The following ANKS1B variants were observed in gnomAD, a reference collection of about 807,000 sequenced individuals.
The protein encoded by ANKS1B is ankyrin repeat and sterile alpha motif domain containing 1B.
Under a neutral mutation model 148.3 loss-of-function variants are expected in ANKS1B, and 36 were observed. The ratio of observed to expected loss-of-function variants is 0.24; its 90% CI spans 0.19 to 0.32. ANKS1B has a LOEUF of 0.32. ANKS1B is among the 10% of genes least tolerant of loss of function. ANKS1B has a pLI of 1.00. For synonymous variants in ANKS1B, 542 were observed against 560.8 expected (o/e 0.97, Z 0.47); for missense variants, 1,157 against 1,542.6 (o/e 0.75, Z 4.19).
chr12:98,876,525 C>T (rs1443482327), intron 17 of ANKS1B, among the ~76,000 whole-genome samples: 3 of 152,226 alleles, frequency 2.0e-5, no homozygotes, highest in Non-Finnish European at 2.9e-5. Flanking sequence ...ATGGGCCTTA[C>T]ACGTCTTTGT....
intron 16 of ANKS1B, among the ~76,000 whole-genome samples, chr12:99,084,245 G>A (rs2050835839): frequency 6.6e-6 from 1 of 152,102 alleles, no homozygotes; most frequent in Admixed American, 6.5e-5. Context: ...TGGGGCAGGA[G>A]GCTTTTAAGC....
At chr12:99,240,795 C>T (rs1012330627) in intron 14 of ANKS1B, among the ~76,000 whole-genome samples, 4 of 152,186 alleles carry the variant, frequency 2.6e-5, no homozygotes, top group Admixed American at 6.5e-5. Flanking sequence ...TCCTGAGTGA[C>T]TACTGGGTAA....
At chr12:99,364,486 T>A (rs968726962) in intron 12 of ANKS1B, among the ~76,000 whole-genome samples, 10 of 152,302 alleles carry the variant, frequency 6.6e-5, no homozygotes, top group African/African-American at 1.9e-4. Flanking sequence ...TTGGAAACTG[T>A]GTGTATTTAA....
At chr12:99,315,215 A>G (rs1351358394) in intron 12 of ANKS1B, among the ~76,000 whole-genome samples, 2 of 150,112 alleles carry the variant, frequency 1.3e-5, no homozygotes, top group African/African-American at 4.9e-5. Flanking sequence ...ACTCCAGCCT[A>G]GTGACAGTGT....
At chr12:99,649,443 C>A (rs530392453) in intron 9 of ANKS1B, 8 of 1,477,210 alleles carry the variant, frequency 5.4e-6, no homozygotes, top group African/African-American at 1.4e-5. Context: ...AGTTCACACA[C>A]CCCTGCAGTC....
intron 17 of ANKS1B, among the ~76,000 whole-genome samples, chr12:99,046,401 T>TA (rs1362028744): frequency 1.3e-5 from 2 of 152,172 alleles, no homozygotes; most frequent in Non-Finnish European, 2.9e-5. Context: ...ACACAGGTGT[T>TA]ACAATTAGAA....
At chr12:99,868,376 A>G (rs1020367184) in intron 1 of ANKS1B, among the ~76,000 whole-genome samples, 2 of 152,210 alleles carry the variant, frequency 1.3e-5, no homozygotes, top group Non-Finnish European at 2.9e-5. Context: ...TATAGCAGTC[A>G]TACTTAATTA....
chr12:99,167,381 T>C (rs991289973), intron 14 of ANKS1B, among the ~76,000 whole-genome samples: 1 of 151,922 alleles, frequency 6.6e-6, no homozygotes, highest in Non-Finnish European at 1.5e-5. Context: ...CTCTCAAAAC[T>C]CAGTATTAAG....
At chr12:99,222,475 G>A (rs2085281960) in intron 14 of ANKS1B, among the ~76,000 whole-genome samples, 1 of 152,154 alleles carries the variant, frequency 6.6e-6, no homozygotes, top group Non-Finnish European at 1.5e-5. Context: ...AATTAGCTGG[G>A]TGTGGTGGCC....
intron 12 of ANKS1B, among the ~76,000 whole-genome samples, chr12:99,344,547 T>A (rs539876206): frequency 2.6e-5 from 4 of 152,068 alleles, no homozygotes; most frequent in Non-Finnish European, 5.9e-5. Context: ...AGAACGAATT[T>A]GTGGTTTTAT....
At chr12:99,649,241 G>C in intron 9 of ANKS1B, 1 of 1,384,020 alleles carries the variant, frequency 7.2e-7, no homozygotes, top group East Asian at 2.3e-5. Flanking sequence ...GAAGAGAAAG[G>C]AGATCTTGCT....
chr12:98,889,451 G>A (rs1157378676), intron 17 of ANKS1B, among the ~76,000 whole-genome samples: 2 of 151,886 alleles, frequency 1.3e-5, no homozygotes, highest in Admixed American at 1.3e-4. Flanking sequence ...GGGCTCAAGC[G>A]ATTCTCCTGC....
chr12:99,463,855 G>C (rs1049476769), intron 10 of ANKS1B, among the ~76,000 whole-genome samples: 1 of 151,314 alleles, frequency 6.6e-6, no homozygotes, highest in Admixed American at 6.5e-5. Flanking sequence ...CTCCACCTCT[G>C]GGGGCAGGGC....
chr12:99,078,630 T>A (rs1292995359), intron 16 of ANKS1B, among the ~76,000 whole-genome samples: 1 of 152,178 alleles, frequency 6.6e-6, no homozygotes, highest in Non-Finnish European at 1.5e-5. Flanking sequence ...AGGGTGTTTT[T>A]TTCCTTGTAG....
chr12:99,153,850 G>C (rs1018897761), intron 15 of ANKS1B, among the ~76,000 whole-genome samples: 3 of 152,166 alleles, frequency 2.0e-5, no homozygotes, highest in Non-Finnish European at 4.4e-5. Context: ...GAAAAGAAAT[G>C]ATCTTCACAC....
intron 2 of ANKS1B, among the ~76,000 whole-genome samples, chr12:99,816,386 T>A (rs1335998174): frequency 6.6e-6 from 1 of 151,830 alleles, no homozygotes; most frequent in Non-Finnish European, 1.5e-5. Flanking sequence ...AGATTCTGGA[T>A]ACTAGCCCTA....
At chr12:99,205,937 C>T (rs2082619857) in intron 14 of ANKS1B, among the ~76,000 whole-genome samples, 1 of 152,124 alleles carries the variant, frequency 6.6e-6, no homozygotes, top group Non-Finnish European at 1.5e-5. Flanking sequence ...CAGGGTCAGG[C>T]AGAAACTGGA....
chr12:99,243,854 T>C (rs1014535293), intron 14 of ANKS1B, among the ~76,000 whole-genome samples: 8 of 151,828 alleles, frequency 5.3e-5, no homozygotes, highest in Non-Finnish European at 1.2e-4. Flanking sequence ...GAACATCACA[T>C]GCAAGGGCCT....
At chr12:99,436,636 A>G (rs1363240201) in intron 11 of ANKS1B, among the ~76,000 whole-genome samples, 2 of 152,012 alleles carry the variant, frequency 1.3e-5, no homozygotes, top group Non-Finnish European at 2.9e-5. Context: ...AATTTTTTGT[A>G]ACCCCAGTTC....
Sources: allele counts gnomAD v4.1 joint callset (sites outside exome capture counted in the v4.1 genomes callset), GRCh38; gene constraint gnomAD v4.1.1; transcripts MANE v1.5; gene names NCBI Gene and HGNC (gene_info 2026-07-23, HGNC 2026-07-21).